STAT5A: variants seen among roughly 807,000 people sequenced by gnomAD.
STAT5A encodes signal transducer and activator of transcription 5A, also known as epididymis secretory sperm binding protein.
In STAT5A, 26 loss-of-function variants were observed where a neutral mutation model predicts 100.2. The observed-to-expected ratio is 0.26, with a 90% CI of 0.19 to 0.36. STAT5A has a LOEUF of 0.36. STAT5A is among the 10% of genes least tolerant of loss of function. The pLI, the probability that STAT5A is intolerant of heterozygous loss-of-function variation, is 1.00. For synonymous variants in STAT5A, 330 were observed against 424.3 expected (o/e 0.78, Z 2.73); for missense variants, 634 against 1,027.5 (o/e 0.62, Z 5.24).
Position 42,304,540 on chromosome 17 carries a change from G to A in STAT5A, c.1268G>A (p.Arg423Lys), listed in dbSNP as rs763214446. The A allele has an allele frequency of 2.5e-6, 4 of 1,614,274 alleles. No individual in the cohort carries two copies. Among genetic ancestry groups the A allele is most frequent in the Non-Finnish European group, 3.4e-6 (4 of 1,180,046 alleles). ...SAHFRNMSLK[R>K]IKRADRRGAE... is the part of the protein sequence containing the mutation. Reference sequence around the variant, plus strand: ...CCTCCCACCCTGCAGTCACTGAAGAGGATCAAGCGTGCTGACCGGCGGGGT... The same window carrying A: ...CCTCCCACCCTGCAGTCACTGAAGAAGATCAAGCGTGCTGACCGGCGGGGT... Residue 423 changes from arginine (R) to lysine (K), a missense_variant, in exon 11 of 19, where the codon AGG becomes AAG. Around this residue, in one of 5 missense-constraint regions of STAT5A, gnomAD observed 210 missense variants for 428.4 expected, o/e 0.49. Transcript: ENST00000590949. This position sits in a 1 kb window ranked among gnomAD's most constrained non-coding sequence, Gnocchi z 4.8.
chr17:42,310,659 C>T lies in STAT5A; in HGVS notation c.2375C>T (p.Ser792Phe), dbSNP rs758087729. ...GGTCTTTTCACCTCTGCCAGAGGCTCCCTCTCATGAATGTTTGAATCCCAC... is the reference window on the plus strand; with the variant it reads ...GGTCTTTTCACCTCTGCCAGAGGCTTCCTCTCATGAATGTTTGAATCCCAC... ...PAGLFTSARG[S>F]LS is the part of the protein sequence containing the mutation. Residue 792 changes from serine to phenylalanine, a missense_variant, in exon 19 of 19, where the codon TCC becomes TTC. This residue lies in a region of STAT5A where 88 missense variants were observed against 95.1 expected (regional missense o/e 0.92). Coordinates refer to ENST00000590949, the MANE Select transcript of STAT5A (RefSeq NM_001288718.2). 2 of 1,614,042 alleles carry T rather than the reference C, an allele frequency of 1.2e-6. No homozygotes were observed. The highest frequency in any genetic ancestry group is 2.7e-5 in the African/African-American group (2 of 74,932).
intron 5 of STAT5A, among the ~76,000 whole-genome samples, chr17:42,297,346 G>A (rs190403984): frequency 1.1e-3 from 175 of 152,310 alleles, no homozygotes; most frequent in African/African-American, 1.9e-3. Flanking sequence ...GATTTTGGGC[G>A]GTTATTCCTA....
At chr17:42,294,616 C>A (rs1286646987) in intron 4 of STAT5A, among the ~76,000 whole-genome samples, 1 of 152,214 alleles carries the variant, frequency 6.6e-6, no homozygotes, top group African/African-American at 2.4e-5. Context: ...AGTTAAAGTG[C>A]TTTGCCTCAG....
At chr17:42,297,868 A>C (rs1383545878) in intron 5 of STAT5A, among the ~76,000 whole-genome samples, 1 of 151,782 alleles carries the variant, frequency 6.6e-6, no homozygotes, top group East Asian at 1.9e-4. Flanking sequence ...TGTGCATCCC[A>C]TGGGTCAGGG....
rs2081021876 is a variant in STAT5A at position 42,305,723 on chromosome 17, TAC to T, written c.1473+22_1473+23del. On this transcript the variant is annotated intron_variant, in intron 12 of 18. Transcript: ENST00000590949. ...AGCCGGTGAGTCCCCGTGGGAGCCC[TAC>T]CCCAGCACCCCCAGGCCCTAGGACT... 3 of 1,612,552 alleles carry T rather than the reference TAC, an allele frequency of 1.9e-6. No individual in the cohort carries two copies. The Admixed American group carries it at 5.0e-5, about 27-fold the overall frequency.
At chr17:42,293,745 A>G (rs2080893256) in intron 4 of STAT5A, among the ~76,000 whole-genome samples, 1 of 152,186 alleles carries the variant, frequency 6.6e-6, no homozygotes, top group South Asian at 2.1e-4. Context: ...CGTCCTGTGG[A>G]CAGGCATGTC....
At chr17:42,294,687 A>C (rs1390187958) in intron 4 of STAT5A, among the ~76,000 whole-genome samples, 1 of 152,256 alleles carries the variant, frequency 6.6e-6, no homozygotes, top group Non-Finnish European at 1.5e-5. Flanking sequence ...GCCCCAGGGC[A>C]GGAACATGCC....
At chr17:42,303,054 T>A (rs889591677) in intron 9 of STAT5A, among the ~76,000 whole-genome samples, 2 of 151,618 alleles carry the variant, frequency 1.3e-5, no homozygotes, top group Non-Finnish European at 2.9e-5. Flanking sequence ...GAGACCAGCC[T>A]GGCCAACATG....
At chr17:42,302,901 G>A (rs1366070560) in intron 9 of STAT5A, among the ~76,000 whole-genome samples, 2 of 151,642 alleles carry the variant, frequency 1.3e-5, no homozygotes, top group African/African-American at 4.9e-5. Flanking sequence ...GTGGCAGTGA[G>A]CCAAGATTGT....
Position 42,304,038 on chromosome 17 carries a change from A to G in STAT5A, c.1170-304A>G. 2 of 370,704 alleles carry G rather than the reference A, an allele frequency of 5.4e-6. No homozygotes were observed. The highest frequency in any genetic ancestry group is 8.1e-5 in the South Asian group (2 of 24,580). The allele number at this position is 370,704 out of a possible 1,614,324, so 23.0% of individuals were successfully genotyped here. A position where few individuals can be genotyped will look rare whatever the true frequency, so the allele number is the denominator to read the frequency against. On this transcript the variant is annotated intron_variant, in intron 9 of 18. Transcript: ENST00000590949. The surrounding 1 kb of genome is among the most constrained non-coding windows in gnomAD (Gnocchi z 4.8). ...GGGATCCTCAGAGACTGTGGTTGTG[A>G]TTTTTATCTTAAGTGCATTAGAAGC...
intron 5 of STAT5A, among the ~76,000 whole-genome samples, chr17:42,298,603 C>G (rs1423917829): frequency 1.3e-5 from 2 of 151,954 alleles, no homozygotes; most frequent in Non-Finnish European, 2.9e-5. Context: ...TCCCTAGTAG[C>G]TGGAACTACA....
In STAT5A at chr17:42,308,049, C is replaced by T; in HGVS notation, c.1907-129C>T. The T allele has an allele frequency of 7.7e-7, 1 of 1,293,096 alleles. No homozygotes were observed. The highest frequency in any genetic ancestry group is 1.1e-6 in the Non-Finnish European group (1 of 945,838). The allele number at this position is 1,293,096 out of a possible 1,614,324, so 80.1% of individuals were successfully genotyped here. On this transcript the variant is annotated intron_variant, in intron 15 of 18. Coordinates refer to ENST00000590949, the MANE Select transcript of STAT5A (RefSeq NM_001288718.2). This position sits in a 1 kb window ranked among gnomAD's most constrained non-coding sequence, Gnocchi z 4.6. The stretch of plus-strand genomic sequence containing the variant: ...CATCCCGCATCGGCTTTCTTCCCTA[C>T]AGGCTGGGGCTGCAGCGCAAGCTAC...
At chr17:42,302,322 G>A (rs1044108429) in intron 9 of STAT5A, among the ~76,000 whole-genome samples, 2 of 152,228 alleles carry the variant, frequency 1.3e-5, no homozygotes, top group Non-Finnish European at 2.9e-5. Context: ...GCCTGATGGT[G>A]TAGCCATGTG....
intron 3 of STAT5A, 105 bp downstream of exon 3, chr17:42,290,127 C>G (rs2080856516): frequency 2.2e-6 from 3 of 1,377,656 alleles, no homozygotes. Context: ...ACCATGTGAC[C>G]ACGAACTTAT....
intron 5 of STAT5A, among the ~76,000 whole-genome samples, chr17:42,298,533 C>T (rs1246093733): frequency 2.0e-5 from 3 of 149,608 alleles, no homozygotes; most frequent in Non-Finnish European, 3.0e-5. Flanking sequence ...GTGCAGTGGC[C>T]CAATCTCGGC....
In STAT5A at chr17:42,308,413, G is replaced by C. The variant is rs575212355; in HGVS notation, c.2062+80G>C. The stretch of plus-strand genomic sequence containing the variant: ...CATAGACAAAGCCTTGGGCTGCGCC[G>C]TGGGGACTTCCCCAGGAGGAGCCTA... On this transcript the variant is annotated intron_variant, in intron 16 of 18. Transcript: ENST00000590949. This position sits in a 1 kb window ranked among gnomAD's most constrained non-coding sequence, Gnocchi z 4.6. 1 of 1,596,374 alleles carries C rather than the reference G, an allele frequency of 6.3e-7. No homozygotes were observed. The highest frequency in any genetic ancestry group is 2.2e-5 in the East Asian group (1 of 44,466).
intron 8 of STAT5A, 80 bp from the exon 9 acceptor site, chr17:42,301,195 C>A: frequency 6.4e-7 from 1 of 1,562,668 alleles, no homozygotes; most frequent in South Asian, 1.2e-5. Context: ...GAGGCAGCCC[C>A]ACCCCCACCA....
At chr17:42,298,612 C>T (rs2080943540) in intron 5 of STAT5A, among the ~76,000 whole-genome samples, 1 of 151,984 alleles carries the variant, frequency 6.6e-6, no homozygotes, top group African/African-American at 2.4e-5. Context: ...GCTGGAACTA[C>T]AGGCACCCGC....
chr17:42,308,024 C>T lies in STAT5A; in HGVS notation c.1907-154C>T, dbSNP rs1445253832. Among the ~76,000 whole-genome samples the T allele has an allele frequency of 6.6e-6, 1 of 152,146 alleles. No individual in the cohort carries two copies. Among genetic ancestry groups the T allele is most frequent in the Non-Finnish European group, 1.5e-5 (1 of 68,042 alleles). On this transcript the variant is annotated intron_variant, in intron 15 of 18. Coordinates refer to ENST00000590949, the MANE Select transcript of STAT5A (RefSeq NM_001288718.2). This position sits in a 1 kb window ranked among gnomAD's most constrained non-coding sequence, Gnocchi z 4.6. ...TGCTCATCTGGTTTGCTGAGTAGAA[C>T]ATCCCGCATCGGCTTTCTTCCCTAC...
Sources: gnomAD v4.1 joint callset for allele counts (sites outside exome capture counted in the v4.1 genomes callset) on GRCh38, gnomAD v4.1.1 for gene constraint, gnomAD v4.1.1 regional missense constraint, Gnocchi (gnomAD v3.1) non-coding constraint, MANE v1.5 for transcripts, NCBI Gene and HGNC (gene_info 2026-07-23, HGNC 2026-07-21) for gene names.